Variants in DLG2 observed in about 807,000 individuals in gnomAD.
The protein encoded by DLG2 is disks large homolog 2.
DLG2 carries 45 observed loss-of-function variants against 132.5 expected under a neutral mutation model. The ratio of observed to expected loss-of-function variants is 0.34; its 90% CI spans 0.27 to 0.44. The LOEUF (loss-of-function observed/expected upper bound fraction) is 0.44, where lower values mean the gene tolerates loss of function less well. DLG2 is among the 20% of genes least tolerant of loss of function. The pLI is 1.00. For synonymous variants in DLG2, 424 were observed against 419.6 expected (o/e 1.01, Z -0.13); for missense variants, 1,045 against 1,196.9 (o/e 0.87, Z 1.87).
At chr11:84,915,790 G>A (rs2092417378) in intron 6 of DLG2, among the ~76,000 whole-genome samples, 1 of 152,006 alleles carries the variant, frequency 6.6e-6, no homozygotes, top group South Asian at 2.1e-4. Flanking sequence ...AATATTTCCA[G>A]CTTTCTGAAC....
At chr11:84,405,723 A>G (rs934181016) in intron 7 of DLG2, among the ~76,000 whole-genome samples, 1 of 152,170 alleles carries the variant, frequency 6.6e-6, no homozygotes, top group Non-Finnish European at 1.5e-5. Flanking sequence ...CTAAGGGGGA[A>G]AAAAAGCTAA....
In DLG2 at chr11:84,972,118, C is replaced by T. The variant is rs144497108; in HGVS notation, c.357+139543G>A. 2.1e-3 allele frequency among the ~76,000 whole-genome samples: 313 copies of T among 152,134 alleles called. 3 individuals carry two copies. The highest frequency in any genetic ancestry group is 6.8e-3 in the Middle Eastern group (2 of 294). ...CACACACACTGTTTTAAATTCTTATCACCCTCTAATCAATCATTTTCTAAA... is the reference window on the plus strand; with the variant it reads ...CACACACACTGTTTTAAATTCTTATTACCCTCTAATCAATCATTTTCTAAA... On this transcript the variant is annotated intron_variant, in intron 6 of 27. Transcript: ENST00000376104.
chr11:83,916,826 T>C (rs2076999232), intron 15 of DLG2, among the ~76,000 whole-genome samples: 1 of 152,176 alleles, frequency 6.6e-6, no homozygotes. Flanking sequence ...TAGATTGTGT[T>C]TAGCTGAAAT....
intron 7 of DLG2, among the ~76,000 whole-genome samples, chr11:84,315,609 T>C (rs1156878948): frequency 6.6e-6 from 1 of 152,176 alleles, no homozygotes; most frequent in African/African-American, 2.4e-5. Flanking sequence ...TAACTGCATT[T>C]CTAAATGTCA....
intron 16 of DLG2, among the ~76,000 whole-genome samples, chr11:83,862,389 T>C (rs2061591155): frequency 6.6e-6 from 1 of 152,014 alleles, no homozygotes; most frequent in Non-Finnish European, 1.5e-5. Flanking sequence ...GAGCTAAAAA[T>C]AGTAAAACAA....
chr11:84,273,490 C>T (rs1598845149), intron 7 of DLG2, among the ~76,000 whole-genome samples: 1 of 152,108 alleles, frequency 6.6e-6, no homozygotes, highest in African/African-American at 2.4e-5. Flanking sequence ...TTCATTCCTA[C>T]ACTTGTGAAA....
intron 4 of DLG2, among the ~76,000 whole-genome samples, chr11:85,212,783 C>A (rs1469235053): frequency 6.6e-6 from 1 of 152,118 alleles, no homozygotes; most frequent in Admixed American, 6.6e-5. Flanking sequence ...ACTGATGACT[C>A]ATATCTCAAT....
intron 7 of DLG2, among the ~76,000 whole-genome samples, chr11:84,269,248 A>G (rs181261330): frequency 7.9e-5 from 12 of 152,326 alleles, no homozygotes; most frequent in Non-Finnish European, 1.8e-4. Flanking sequence ...ACTGTGCCCT[A>G]TTTATTATTA....
intron 10 of DLG2, among the ~76,000 whole-genome samples, chr11:84,060,915 C>G (rs1393957172): frequency 6.6e-6 from 1 of 152,146 alleles, no homozygotes; most frequent in Non-Finnish European, 1.5e-5. Context: ...TCAACATCAT[C>G]TCTCAGGTGA....
chr11:85,401,583 G>T (rs188413702), intron 3 of DLG2, among the ~76,000 whole-genome samples: 41 of 152,276 alleles, frequency 2.7e-4, no homozygotes, highest in Non-Finnish European at 1.3e-4. Context: ...TGTATATTTA[G>T]AAAACCCCAT....
chr11:83,776,076 A>C (rs1282387427), intron 18 of DLG2, among the ~76,000 whole-genome samples: 1 of 152,180 alleles, frequency 6.6e-6, no homozygotes, highest in Non-Finnish European at 1.5e-5. Context: ...TGGGTGACAG[A>C]GCGAGACTCT....
intron 14 of DLG2, among the ~76,000 whole-genome samples, chr11:83,947,226 T>C (rs948175920): frequency 5.9e-5 from 8 of 135,410 alleles, no homozygotes; most frequent in African/African-American, 1.8e-4. Flanking sequence ...TTGTGATTAC[T>C]CAACATTCTA....
intron 6 of DLG2, among the ~76,000 whole-genome samples, chr11:84,909,526 T>A (rs2091872950): frequency 6.6e-6 from 1 of 152,180 alleles, no homozygotes; most frequent in African/African-American, 2.4e-5. Flanking sequence ...AAATAAAAAT[T>A]AAGAAATTTC....
intron 6 of DLG2, among the ~76,000 whole-genome samples, chr11:84,954,371 C>G (rs1315451482): frequency 6.7e-6 from 1 of 150,240 alleles, no homozygotes; most frequent in African/African-American, 2.4e-5. Flanking sequence ...AAAAAACCCT[C>G]ACGTCGACAT....
At chr11:84,460,966 T>C (rs1407228388) in intron 7 of DLG2, among the ~76,000 whole-genome samples, 1 of 150,828 alleles carries the variant, frequency 6.6e-6, no homozygotes, top group African/African-American at 2.4e-5. Context: ...AGCTTTTGCA[T>C]ATGTGTAACA....
chr11:83,490,723 C>T (rs2093791535), intron 21 of DLG2, among the ~76,000 whole-genome samples: 1 of 151,870 alleles, frequency 6.6e-6, no homozygotes, highest in African/African-American at 2.4e-5. Context: ...CTGAGAAGTA[C>T]ACAACATCAC....
At chr11:84,250,306 T>C (rs1174012753) in intron 8 of DLG2, among the ~76,000 whole-genome samples, 1 of 152,204 alleles carries the variant, frequency 6.6e-6, no homozygotes, top group Non-Finnish European at 1.5e-5. Flanking sequence ...TTCTGTGATT[T>C]GCTTGGTCAT....
At chr11:85,180,402 G>C (rs1456280545) in intron 4 of DLG2, among the ~76,000 whole-genome samples, 1 of 151,720 alleles carries the variant, frequency 6.6e-6, no homozygotes, top group Admixed American at 6.6e-5. Flanking sequence ...TCAAGGGAGA[G>C]AGGGCAAACC....
At chr11:85,394,956 T>C (rs1478819943) in intron 3 of DLG2, among the ~76,000 whole-genome samples, 2 of 152,212 alleles carry the variant, frequency 1.3e-5, no homozygotes, top group Admixed American at 6.5e-5. Context: ...GGAACATGTA[T>C]ACTTTTGCAC....
Sources: gnomAD v4.1 joint callset for allele counts (sites outside exome capture counted in the v4.1 genomes callset) on GRCh38, gnomAD v4.1.1 for gene constraint, MANE v1.5 for transcripts, NCBI Gene and HGNC (gene_info 2026-07-23, HGNC 2026-07-21) for gene names.